Variants in RGL1 observed in about 807,000 individuals in gnomAD.
RGL1 encodes the protein ral guanine nucleotide dissociation stimulator like 1.
RGL1 carries 24 observed loss-of-function variants against 95.2 expected under a neutral mutation model. That is an observed-to-expected ratio of 0.25 (90% CI 0.18 to 0.35). The LOEUF (loss-of-function observed/expected upper bound fraction) is 0.35, where lower values mean the gene tolerates loss of function less well. Among genes scored for constraint, RGL1 ranks in the 10% least tolerant of loss-of-function variants. The pLI is 1.00. For synonymous variants in RGL1, 329 were observed against 344.9 expected (o/e 0.95, Z 0.51); for missense variants, 715 against 936.3 (o/e 0.76, Z 3.08).
chr1:183,833,034 C>A (rs574557439), intron 2 of RGL1, among the ~76,000 whole-genome samples: 2 of 152,184 alleles, frequency 1.3e-5, no homozygotes, highest in African/African-American at 4.8e-5. Flanking sequence ...GTAGGAACAC[C>A]TATTGAATTT....
At chr1:183,716,079 T>C (rs1355971472) in intron 1 of RGL1, among the ~76,000 whole-genome samples, 1 of 152,202 alleles carries the variant, frequency 6.6e-6, no homozygotes, top group East Asian at 1.9e-4. Flanking sequence ...GTTAATCTTA[T>C]CTAGAAACAC....
intron 2 of RGL1, among the ~76,000 whole-genome samples, chr1:183,773,628 T>C (rs991334758): frequency 6.6e-6 from 1 of 152,196 alleles, no homozygotes; most frequent in African/African-American, 2.4e-5. Flanking sequence ...CAGCAACATA[T>C]GTGTGTAGTA....
intron 1 of RGL1, among the ~76,000 whole-genome samples, chr1:183,728,556 G>C (rs1385963423): frequency 2.6e-5 from 2 of 77,864 alleles, no homozygotes; most frequent in African/African-American, 1.2e-4. Context: ...TAGATTGGAA[G>C]ACCTGAAATT....
rs562714849 is a variant in RGL1, at chr1:183,792,934, A to G, written c.133-13441A>G. On this transcript the variant is annotated intron_variant, in intron 2 of 18. Transcript: ENST00000304685. ...CAAAATACCAATTTTTCTTCCAAGA[A>G]ATAGAAAAAACAGTCCTAAAATTTG... Among the ~76,000 whole-genome samples the G allele has an allele frequency of 6.6e-5, 10 of 152,276 alleles. No individual in the cohort carries two copies. In the South Asian group the frequency reaches 1.9e-3, roughly 28 times the overall value.
chr1:183,833,859 G>A lies in RGL1; in HGVS notation c.139-13707G>A, dbSNP rs567039907. On this transcript the variant is annotated intron_variant, in intron 2 of 17. Transcript: ENST00000360851. ...ATCGATTCGGTTAATGGCCCTACCT[G>A]CAGTTAGTATTTTTAGTTATATAGT... is the stretch of plus-strand genomic sequence containing the variant. 2.9e-3 allele frequency among the ~76,000 whole-genome samples: 442 copies of A among 151,940 alleles called. 2 individuals are homozygous for A. The highest frequency in any genetic ancestry group is 6.8e-3 in the Middle Eastern group (2 of 294).
intron 15 of RGL1, 33 bp downstream of exon 15, chr1:183,912,301 G>A (rs1364351191): frequency 1.3e-6 from 2 of 1,569,988 alleles, no homozygotes; most frequent in Non-Finnish European, 1.7e-6. Context: ...AATTCCTAAT[G>A]CAGGCACCTA....
intron 16 of RGL1, among the ~76,000 whole-genome samples, chr1:183,919,587 T>C (rs576322719): frequency 6.6e-6 from 1 of 152,334 alleles, no homozygotes; most frequent in Non-Finnish European, 1.5e-5. Context: ...GAGCAACTAA[T>C]GTCCCTGGAA....
chr1:183,844,115 C>T (rs991169786), intron 2 of RGL1, among the ~76,000 whole-genome samples: 12 of 152,226 alleles, frequency 7.9e-5, no homozygotes, highest in South Asian at 2.1e-4. Flanking sequence ...CGTGAGCCAC[C>T]GCTCCCATCC....
chr1:183,890,182 CAATT>C (rs1432238338), intron 8 of RGL1, among the ~76,000 whole-genome samples: 3 of 152,072 alleles, frequency 2.0e-5, no homozygotes, highest in African/African-American at 7.2e-5. Flanking sequence ...TAGCCTTACT[CAATT>C]GATTGCAACC....
chr1:183,655,814 G>A (rs886397654), intron 1 of RGL1, among the ~76,000 whole-genome samples: 1 of 152,194 alleles, frequency 6.6e-6, no homozygotes, highest in Non-Finnish European at 1.5e-5. Flanking sequence ...AATTAAAAAT[G>A]ACTCCTAAAA....
intron 12 of RGL1, 107 bp from the exon 13 acceptor site, chr1:183,904,743 C>T (rs1035963174): frequency 6.6e-6 from 8 of 1,203,776 alleles, no homozygotes; most frequent in East Asian, 2.5e-5. Context: ...TGGTTTTCTT[C>T]ATCTTTTATC....
chr1:183,891,180 A>G (rs567548389), intron 8 of RGL1, among the ~76,000 whole-genome samples: 2 of 152,294 alleles, frequency 1.3e-5, no homozygotes, highest in African/African-American at 4.8e-5. Context: ...CACTCACTAT[A>G]AAACAGGCTC....
intron 3 of RGL1, among the ~76,000 whole-genome samples, chr1:183,863,854 C>T (rs559702507): frequency 6.6e-6 from 1 of 152,304 alleles, no homozygotes; most frequent in South Asian, 2.1e-4. Flanking sequence ...AATTGAGAAA[C>T]TGTAGACACT....
At chr1:183,712,170 G>T (rs528437694) in intron 1 of RGL1, among the ~76,000 whole-genome samples, 37 of 152,348 alleles carry the variant, frequency 2.4e-4, no homozygotes, top group African/African-American at 8.2e-4. Context: ...GCAGGAACTG[G>T]CCTGGGAGGG....
At chr1:183,798,820 T>G (rs1660829018) in intron 2 of RGL1, among the ~76,000 whole-genome samples, 1 of 151,984 alleles carries the variant, frequency 6.6e-6, no homozygotes, top group Admixed American at 6.6e-5. Context: ...TGTATTTGGT[T>G]TATTTCACTT....
intron 1 of RGL1, among the ~76,000 whole-genome samples, chr1:183,666,948 T>C (rs1652082268): frequency 6.6e-6 from 1 of 152,240 alleles, no homozygotes; most frequent in African/African-American, 2.4e-5. Flanking sequence ...GGAGTGTTAA[T>C]GTTTTCAATT....
chr1:183,888,782 A>ACCAAAGCCAAGATTATTG (rs1168284815), intron 8 of RGL1, among the ~76,000 whole-genome samples: 1 of 152,174 alleles, frequency 6.6e-6, no homozygotes, highest in African/African-American at 2.4e-5. Context: ...TTCTAAGTAT[A>ACCAAAGCCAAGATTATTG]CCAAAGCCAA....
At chr1:183,638,979 A>G (rs554292598) in intron 1 of RGL1, among the ~76,000 whole-genome samples, 19 of 152,334 alleles carry the variant, frequency 1.2e-4, no homozygotes, top group African/African-American at 4.3e-4. Context: ...ATACTTAAAC[A>G]ACAAAGACAT....
At chr1:183,865,601 C>T (rs1460389901) in intron 3 of RGL1, among the ~76,000 whole-genome samples, 1 of 152,156 alleles carries the variant, frequency 6.6e-6, no homozygotes. Context: ...AGCCATGTGT[C>T]CCTTGCATAG....
Sources: allele counts gnomAD v4.1 joint callset (sites outside exome capture counted in the v4.1 genomes callset), GRCh38; gene constraint gnomAD v4.1.1; transcripts MANE v1.5; gene names NCBI Gene and HGNC (gene_info 2026-07-23, HGNC 2026-07-21).